Variants in WDR27 observed in about 807,000 individuals in gnomAD.
The protein encoded by WDR27 is WD repeat domain 27, also known as WD repeat-containing protein 27.
Under a neutral mutation model 114.4 loss-of-function variants are expected in WDR27, and 100 were observed. The ratio of observed to expected loss-of-function variants is 0.87; its 90% CI spans 0.74 to 1.03. The LOEUF is 1.03. WDR27 is among the 50% of genes least tolerant of loss of function. The pLI is 0.00. For missense variants in WDR27, 1,129 were observed against 1,092.9 expected (o/e 1.03, Z -0.47); for synonymous variants, 449 against 423.1 (o/e 1.06, Z -0.75).
chr6:169,434,494 A>G, the WDR27 span, among the ~76,000 whole-genome samples: 6 of 152,198 alleles, frequency 3.9e-5, no homozygotes, highest in Non-Finnish European at 8.8e-5. Flanking sequence ...CTTGTAGTAT[A>G]GTTTGAAGTC....
intron 25 of WDR27, among the ~76,000 whole-genome samples, chr6:169,458,354 G>A (rs189907067): frequency 4.5e-4 from 68 of 152,280 alleles, no homozygotes; most frequent in African/African-American, 1.6e-3. Flanking sequence ...TAGGCGAGCA[G>A]CCATTGTTAC....
chr6:169,635,446 G>A (rs183443094), intron 19 of WDR27, among the ~76,000 whole-genome samples: 89 of 152,318 alleles, frequency 5.8e-4, no homozygotes, highest in African/African-American at 2.1e-3. Flanking sequence ...GGGAGGGGCC[G>A]CAGGAGGGGG....
At chr6:169,644,018 C>T (rs1046490050) in intron 16 of WDR27, among the ~76,000 whole-genome samples, 1 of 151,638 alleles carries the variant, frequency 6.6e-6, no homozygotes, top group African/African-American at 2.4e-5. Flanking sequence ...AAGCCTAGTT[C>T]ACAGGAGTCA....
intron 2 of WDR27, among the ~76,000 whole-genome samples, chr6:169,672,959 A>G (rs1779135466): frequency 6.6e-6 from 1 of 152,238 alleles, no homozygotes; most frequent in Admixed American, 6.5e-5. Context: ...GGAACAAAAC[A>G]TTGCTACAAG....
At chr6:169,632,267 T>C (rs1005826893) in intron 21 of WDR27, among the ~76,000 whole-genome samples, 7 of 150,758 alleles carry the variant, frequency 4.6e-5, no homozygotes, top group Non-Finnish European at 1.0e-4. Context: ...AACATTGCAA[T>C]ACTTCACTTG....
At chr6:169,451,650 TAA>T in the WDR27 span, among the ~76,000 whole-genome samples, 1 of 152,256 alleles carries the variant, frequency 6.6e-6, no homozygotes, top group African/African-American at 2.4e-5. Context: ...CAGCAGAATT[TAA>T]AAGTTTCCAC....
At chr6:169,689,936 G>C (rs1467959677) in intron 1 of WDR27, among the ~76,000 whole-genome samples, 1 of 149,918 alleles carries the variant, frequency 6.7e-6, no homozygotes, top group Non-Finnish European at 1.5e-5. Context: ...TGTGGATTCA[G>C]AGGATCCACC....
intron 25 of WDR27, among the ~76,000 whole-genome samples, chr6:169,530,157 A>C (rs1352780448): frequency 6.6e-6 from 1 of 152,194 alleles, no homozygotes; most frequent in Non-Finnish European, 1.5e-5. Context: ...AATATCTTCC[A>C]CTGGCCAGAT....
At chr6:169,452,465 G>C (rs943346603), downstream of WDR27, among the ~76,000 whole-genome samples, 1 of 152,234 alleles carries the variant, frequency 6.6e-6, no homozygotes, top group Non-Finnish European at 1.5e-5. Context: ...TGCAGTGAGA[G>C]CAGCCGAGGC....
chr6:169,622,736 G>C (rs954185927), intron 21 of WDR27, among the ~76,000 whole-genome samples: 3 of 152,160 alleles, frequency 2.0e-5, no homozygotes, highest in African/African-American at 7.2e-5. Flanking sequence ...GCAGTGTTTC[G>C]ACACGGGAGA....
At chr6:169,677,158 G>A (rs1309354967) in intron 2 of WDR27, among the ~76,000 whole-genome samples, 1 of 152,214 alleles carries the variant, frequency 6.6e-6, no homozygotes, top group Non-Finnish European at 1.5e-5. Flanking sequence ...GAGATGCTGA[G>A]GGAAACTTTG....
intron 25 of WDR27, among the ~76,000 whole-genome samples, chr6:169,469,917 T>C (rs901641843): frequency 6.6e-6 from 1 of 152,236 alleles, no homozygotes; most frequent in East Asian, 1.9e-4. Context: ...GTGGTCTTTT[T>C]AGAACAAGCT....
chr6:169,699,939 G>C (rs939954729), intron 1 of WDR27, among the ~76,000 whole-genome samples: 2 of 152,136 alleles, frequency 1.3e-5, no homozygotes, highest in Non-Finnish European at 2.9e-5. Flanking sequence ...CTGTGATTGT[G>C]CCACTCTACT....
At chr6:169,618,856 C>T (rs1318754694) in intron 21 of WDR27, among the ~76,000 whole-genome samples, 2 of 151,982 alleles carry the variant, frequency 1.3e-5, no homozygotes, top group African/African-American at 4.8e-5. Context: ...TGCAACTGAA[C>T]AAAAATGTAA....
rs543638663 is a variant in WDR27 at position 169,652,246 on chromosome 6, T to TTTG, written c.1403-241_1403-239dup. ...AAGTTGGTTGTTTTGTTGTTGTTGT[T>TTTG]TTGTTGTTGTTGTTGTTGTTGAGAC... On this transcript the variant is annotated intron_variant, in intron 13 of 25. Transcript: ENST00000448612. Among the ~76,000 whole-genome samples the TTTG allele has an allele frequency of 6.4e-3, 976 of 152,156 alleles. 15 individuals are homozygous for TTTG. Among genetic ancestry groups the TTTG allele is most frequent in the Admixed American group, 0.011 (172 of 15,278 alleles).
At chr6:169,599,145 C>T (rs534590293) in intron 23 of WDR27, among the ~76,000 whole-genome samples, 1 of 150,416 alleles carries the variant, frequency 6.6e-6, no homozygotes, top group Non-Finnish European at 1.5e-5. Flanking sequence ...CCCCTCCCCC[C>T]ACACCACAAC....
chr6:169,696,838 C>A (rs1021005781), intron 1 of WDR27, among the ~76,000 whole-genome samples: 1 of 152,272 alleles, frequency 6.6e-6, no homozygotes, highest in African/African-American at 2.4e-5. Context: ...CACTTGAACC[C>A]GGGAGGCGGA....
At chr6:169,573,414 C>T (rs1157832821) in intron 24 of WDR27, among the ~76,000 whole-genome samples, 3 of 152,188 alleles carry the variant, frequency 2.0e-5, no homozygotes, top group Non-Finnish European at 4.4e-5. Flanking sequence ...TTGAACTGTG[C>T]AAGTCCACTT....
intron 25 of WDR27, among the ~76,000 whole-genome samples, chr6:169,538,914 G>A (rs1455381258): frequency 1.3e-5 from 2 of 152,100 alleles, no homozygotes; most frequent in Admixed American, 6.5e-5. Context: ...AAATGTGTAG[G>A]CCATATAGTT....
Sources: gnomAD v4.1 joint callset for allele counts (sites outside exome capture counted in the v4.1 genomes callset) on GRCh38, gnomAD v4.1.1 for gene constraint, MANE v1.5 for transcripts, NCBI Gene and HGNC (gene_info 2026-07-23, HGNC 2026-07-21) for gene names.